RTN4: variants seen among roughly 807,000 people sequenced by gnomAD.
The protein encoded by RTN4 is reticulon 4.
RTN4 carries 32 observed loss-of-function variants against 90.4 expected under a neutral mutation model. That is an observed-to-expected ratio of 0.35 (90% CI 0.27 to 0.48). RTN4 has a LOEUF of 0.48. Ranked by LOEUF, RTN4 falls within the 20% of genes least tolerant of loss-of-function variation. RTN4 has a pLI of 0.99. For synonymous variants in RTN4, 629 were observed against 552.5 expected, an observed-to-expected ratio of 1.14 and a Z score of -1.94; for missense variants, 1,706 against 1,430.2, an observed-to-expected ratio of 1.19 and a Z score of -3.11.
At chr2:55,134,716 G>A in the RTN4 span, among the ~76,000 whole-genome samples, 1 of 105,310 alleles carries the variant, frequency 9.5e-6, no homozygotes, top group African/African-American at 3.9e-5. Context: ...TCCAGAGCCA[G>A]CCTCTGACCT....
chr2:54,973,906 A>ATGATT (rs764358850), intron 6 of RTN4, 39 bp from the exon 7 acceptor site: 1 of 1,557,562 alleles, frequency 6.4e-7, no homozygotes, highest in African/African-American at 1.4e-5. Flanking sequence ...AAAGAACGGA[A>ATGATT]TGATTTGGGA....
rs775692121 is a variant in RTN4 at position 55,026,074 on chromosome 2, T to C, written c.2025A>G (p.Glu675=). The C allele has an allele frequency of 6.2e-7, 1 of 1,610,232 alleles. No homozygotes were observed. Among genetic ancestry groups the C allele is most frequent in the Non-Finnish European group, 8.5e-7 (1 of 1,179,088 alleles). Residue 675 remains glutamate, a synonymous_variant, in exon 3 of 9, where the codon GAA becomes GAG. Coordinates refer to ENST00000337526, the MANE Select transcript of RTN4 (RefSeq NM_020532.5). The part of the protein sequence containing the change: ...VSLKKVSGIK[E]EIKEPENINA... ...TAATATTTTCAGGCTCTTTAATTTC[T>C]TCCTTTATTCCTGATACTTTTTTTA...
intron 1 of RTN4, among the ~76,000 whole-genome samples, chr2:55,111,025 A>G (rs1668028856): frequency 6.6e-6 from 1 of 152,224 alleles, no homozygotes; most frequent in East Asian, 1.9e-4. Context: ...GGGGCAACTG[A>G]GTAAGACTGT....
chr2:55,035,046 T>C (rs1682582289), intron 1 of RTN4, among the ~76,000 whole-genome samples: 1 of 152,120 alleles, frequency 6.6e-6, no homozygotes, highest in African/African-American at 2.4e-5. Context: ...AATCCTTGAT[T>C]AATCCAGAAG....
intron 1 of RTN4, among the ~76,000 whole-genome samples, chr2:55,042,790 T>C (rs531881489): frequency 6.6e-6 from 1 of 152,298 alleles, no homozygotes; most frequent in African/African-American, 2.4e-5. Flanking sequence ...TCTAAGGCAC[T>C]GCAATGCAGA....
At chr2:55,067,391 C>T (rs1668413755) in intron 2 of RTN4, among the ~76,000 whole-genome samples, 1 of 150,278 alleles carries the variant, frequency 6.7e-6, no homozygotes, top group South Asian at 2.1e-4. Context: ...AAGGGATCAA[C>T]TTTGCAGTAA....
chr2:55,048,166 A>G (rs1294500617), intron 1 of RTN4, among the ~76,000 whole-genome samples: 2 of 152,266 alleles, frequency 1.3e-5, no homozygotes, highest in Admixed American at 6.5e-5. Flanking sequence ...ATAACACTGT[A>G]CAAAGGATTA....
intron 3 of RTN4, among the ~76,000 whole-genome samples, chr2:55,005,303 T>C (rs1189902850): frequency 6.6e-6 from 1 of 152,046 alleles, no homozygotes; most frequent in Non-Finnish European, 1.5e-5. Flanking sequence ...GGATGAGGAG[T>C]ACACAGACTT....
At chr2:55,048,752 CTG>C (rs1667922230) in intron 1 of RTN4, among the ~76,000 whole-genome samples, 1 of 152,182 alleles carries the variant, frequency 6.6e-6, no homozygotes, top group Non-Finnish European at 1.5e-5. Context: ...ATGAAAATGT[CTG>C]TCTCAAAACA....
At chr2:55,012,552 G>A (rs1002111380) in intron 3 of RTN4, among the ~76,000 whole-genome samples, 11 of 152,136 alleles carry the variant, frequency 7.2e-5, no homozygotes, top group African/African-American at 2.4e-4. Flanking sequence ...ATTTGTTAAA[G>A]ATGTAAAGCC....
At chr2:54,986,608 C>T (rs528706537) in intron 4 of RTN4, among the ~76,000 whole-genome samples, 1 of 152,154 alleles carries the variant, frequency 6.6e-6, no homozygotes, top group South Asian at 2.1e-4. Flanking sequence ...GAGATGAAAA[C>T]AAAGATAACA....
In RTN4 at chr2:54,974,706, A is replaced by T. The variant is rs1290841421; in HGVS notation, c.3419T>A (p.Leu1140Gln). ...CTTTGTAGACTTACCCAAAATCAGT[A>T]GTGTCAGACCATTAAACAAGGCACC... ...YVGALFNGLTLLILALISLFS... is the reference protein window; with the variant it reads ...YVGALFNGLTQLILALISLFS... Residue 1140 changes from leucine to glutamine, a missense_variant, in exon 6 of 9, where the codon CTA becomes CAA. Physicochemically the swap from Leu to Gln is moderately radical, Grantham distance 113 (BLOSUM62 -2). Transcript: ENST00000337526. 2 of 1,613,440 alleles carry T rather than the reference A, an allele frequency of 1.2e-6. No individual in the cohort carries two copies. The highest frequency in any genetic ancestry group is 1.7e-6 in the Non-Finnish European group (2 of 1,179,342).
intron 1 of RTN4, among the ~76,000 whole-genome samples, chr2:55,046,010 C>T (rs760976373): frequency 1.8e-4 from 27 of 152,122 alleles, no homozygotes; most frequent in Non-Finnish European, 3.5e-4. Context: ...TACTGCATTG[C>T]GATGGAGATG....
At chr2:54,974,297 G>C (rs764918598) in intron 6 of RTN4, 6 of 238,530 alleles carry the variant, frequency 2.5e-5, no homozygotes, top group Non-Finnish European at 4.9e-5. Context: ...AACTTATTTT[G>C]AGATGGAGTT....
chr2:55,016,381 T>A (rs1162992301), intron 3 of RTN4, among the ~76,000 whole-genome samples: 1 of 152,078 alleles, frequency 6.6e-6, no homozygotes, highest in Non-Finnish European at 1.5e-5. Context: ...TCAGGAGTTC[T>A]GGACCAGCTT....
At position 54,982,850 on chromosome 2, in the gene RTN4, A is replaced by G. The variant is rs75916574; in HGVS notation, c.3222-197T>C. 6.1e-3 allele frequency among the ~76,000 whole-genome samples: 934 copies of G among 152,314 alleles called. 4 individuals are homozygous for G. Among genetic ancestry groups the G allele is most frequent in the African/African-American group, 0.019 (771 of 41,568 alleles). On this transcript the variant is annotated intron_variant, in intron 4 of 8. Coordinates refer to ENST00000337526, the MANE Select transcript of RTN4 (RefSeq NM_020532.5). ...TGCACTGTCTGCTGACTAGCACAGA[A>G]AAAGCATACACTTTGAAGCCAGACT...
chr2:55,130,742 A>G, the RTN4 span, among the ~76,000 whole-genome samples: 1 of 152,140 alleles, frequency 6.6e-6, no homozygotes, highest in South Asian at 2.1e-4. Flanking sequence ...AAATTTTACA[A>G]TAATTGAGGC....
Position 55,094,914 on chromosome 2 carries a change from T to G in RTN4, c.-213-14275A>C, listed in dbSNP as rs181963936. 2.0e-3 allele frequency among the ~76,000 whole-genome samples: 297 copies of G among 152,294 alleles called. 1 individual carries two copies. Among genetic ancestry groups the G allele is most frequent in the Middle Eastern group, 3.4e-3 (1 of 294 alleles). ...GAAATTCATATAAGAAACTTCAGAT[T>G]TTGAATACCAATGAAATAACCATGG... On this transcript the variant is annotated intron_variant, in intron 1 of 3. Transcript: ENST00000427710.
At chr2:55,018,133 G>C (rs921430968) in intron 3 of RTN4, among the ~76,000 whole-genome samples, 6 of 152,180 alleles carry the variant, frequency 3.9e-5, no homozygotes, top group African/African-American at 9.7e-5. Flanking sequence ...CTTAGGCTTA[G>C]ATTTTATCAT....
Sources: allele counts gnomAD v4.1 joint callset (sites outside exome capture counted in the v4.1 genomes callset), GRCh38; gene constraint gnomAD v4.1.1; transcripts MANE v1.5; gene names NCBI Gene and HGNC (gene_info 2026-07-23, HGNC 2026-07-21).